The following RBFOX1 variants were observed in gnomAD, a reference collection of about 807,000 sequenced individuals.
RBFOX1 encodes the protein RNA binding fox-1 homolog 1.
RBFOX1 carries 8 observed loss-of-function variants against 57.7 expected under a neutral mutation model. The ratio of observed to expected loss-of-function variants is 0.14; its 90% CI spans 0.08 to 0.25. The LOEUF is 0.25. RBFOX1 is among the 10% of genes least tolerant of loss of function. The pLI, the probability that RBFOX1 is intolerant of heterozygous loss-of-function variation, is 1.00. For synonymous variants in RBFOX1, 326 were observed against 222.4 expected (o/e 1.47, Z -4.15); for missense variants, 611 against 548.5 (o/e 1.11, Z -1.14).
At chr16:5,941,508 A>G (rs2059277327) in intron 4 of RBFOX1, among the ~76,000 whole-genome samples, 1 of 152,072 alleles carries the variant, frequency 6.6e-6, no homozygotes, top group Admixed American at 6.6e-5. Flanking sequence ...AAAAAAAGGT[A>G]AAAGAGGCTT....
chr16:6,631,200 G>A (rs2098380836), intron 2 of RBFOX1, among the ~76,000 whole-genome samples: 1 of 152,074 alleles, frequency 6.6e-6, no homozygotes, highest in Admixed American at 6.6e-5. Context: ...GTGAATCTGA[G>A]AAAGAACTGG....
intron 1 of RBFOX1, among the ~76,000 whole-genome samples, chr16:5,414,058 G>T (rs72777544): frequency 6.6e-6 from 1 of 152,126 alleles, no homozygotes; most frequent in Admixed American, 6.5e-5. Context: ...CCCCAGAATG[G>T]TGGCCTCTTC....
At chr16:5,808,545 C>A (rs936442391) in intron 3 of RBFOX1, among the ~76,000 whole-genome samples, 1 of 152,154 alleles carries the variant, frequency 6.6e-6, no homozygotes, top group African/African-American at 2.4e-5. Context: ...TTCTTCCTAC[C>A]CATGATCATG....
chr16:7,698,029 GGAA>G (rs1411446131), intron 14 of RBFOX1, among the ~76,000 whole-genome samples: 4 of 152,146 alleles, frequency 2.6e-5, no homozygotes, highest in African/African-American at 9.7e-5. Context: ...TGCGTATTAG[GGAA>G]GAGAGGGTTA....
intron 3 of RBFOX1, among the ~76,000 whole-genome samples, chr16:6,739,175 A>G (rs1603483401): frequency 1.3e-5 from 2 of 151,224 alleles, no homozygotes; most frequent in Admixed American, 1.3e-4. Flanking sequence ...ACAGAAAAAC[A>G]AGAGAGAAAT....
chr16:6,570,203 A>G (rs12325621), intron 2 of RBFOX1, among the ~76,000 whole-genome samples: 2,559 of 152,286 alleles, frequency 0.017, 73 homozygotes, highest in African/African-American at 0.057. Flanking sequence ...TTCATTGACC[A>G]TGGATTTATA....
rs185651396 is a variant in RBFOX1 at position 6,530,038 on chromosome 16, A to G, written c.-63-124565A>G. On this transcript the variant is annotated intron_variant, in intron 2 of 15. Transcript: ENST00000550418. ...ATGTCTCTGTCATTTTCTCTTTCAAAGTAGCTATTTTACAATGTGTTTAAA... is the reference window on the plus strand; with the variant it reads ...ATGTCTCTGTCATTTTCTCTTTCAAGGTAGCTATTTTACAATGTGTTTAAA... 4.6e-5 allele frequency among the ~76,000 whole-genome samples: 7 copies of G among 152,224 alleles called. No individual in the cohort carries two copies. The East Asian group carries it at 1.2e-3, about 25-fold the overall frequency.
chr16:5,669,145 G>GAAA (rs2049939868), intron 3 of RBFOX1, among the ~76,000 whole-genome samples: 1 of 152,082 alleles, frequency 6.6e-6, no homozygotes, highest in Non-Finnish European at 1.5e-5. Flanking sequence ...AATTCCAGAG[G>GAAA]GTTGGCCTTT....
intron 1 of RBFOX1, among the ~76,000 whole-genome samples, chr16:6,124,400 T>C (rs1245719912): frequency 6.6e-6 from 1 of 152,174 alleles, no homozygotes; most frequent in Admixed American, 6.5e-5. Context: ...GATTTGATTA[T>C]TGTAATGTAA....
intron 4 of RBFOX1, among the ~76,000 whole-genome samples, chr16:7,498,124 A>C (rs2069310630): frequency 6.6e-6 from 1 of 152,162 alleles, no homozygotes; most frequent in East Asian, 1.9e-4. Flanking sequence ...TTGATGCTGT[A>C]ATTGTGCAGA....
intron 4 of RBFOX1, among the ~76,000 whole-genome samples, chr16:7,305,978 A>T (rs992286771): frequency 2.0e-5 from 3 of 152,202 alleles, no homozygotes; most frequent in Admixed American, 2.0e-4. Context: ...CCACCGGAAG[A>T]AAATTCTAAT....
intron 4 of RBFOX1, among the ~76,000 whole-genome samples, chr16:5,957,956 C>A (rs886540734): frequency 1.3e-5 from 2 of 152,124 alleles, no homozygotes; most frequent in African/African-American, 4.8e-5. Context: ...CACCTTCCCC[C>A]CACCATCCTC....
At chr16:6,120,709 C>T (rs2096542661) in intron 1 of RBFOX1, among the ~76,000 whole-genome samples, 1 of 152,002 alleles carries the variant, frequency 6.6e-6, no homozygotes, top group Non-Finnish European at 1.5e-5. Context: ...CTTTTATGTT[C>T]TTGCTTGTGG....
intron 3 of RBFOX1, among the ~76,000 whole-genome samples, chr16:6,669,453 A>T (rs952388940): frequency 6.6e-6 from 1 of 152,148 alleles, no homozygotes; most frequent in Non-Finnish European, 1.5e-5. Context: ...TTGCAGATCA[A>T]CCAGAGGTTT....
At chr16:6,945,301 C>T (rs541614028) in intron 3 of RBFOX1, among the ~76,000 whole-genome samples, 1 of 152,186 alleles carries the variant, frequency 6.6e-6, no homozygotes, top group East Asian at 1.9e-4. Context: ...AATGTGTACA[C>T]TAGGGGTCTC....
chr16:7,126,818 C>T (rs1021355317), intron 4 of RBFOX1, among the ~76,000 whole-genome samples: 3 of 151,838 alleles, frequency 2.0e-5, no homozygotes, highest in Admixed American at 6.6e-5. Flanking sequence ...TTTAGCCTGG[C>T]CAATACGGTG....
chr16:5,506,179 G>T (rs971322585), intron 2 of RBFOX1, among the ~76,000 whole-genome samples: 1 of 152,104 alleles, frequency 6.6e-6, no homozygotes, highest in African/African-American at 2.4e-5. Context: ...ACAGTGTTCC[G>T]GGAACTTTCT....
intron 3 of RBFOX1, among the ~76,000 whole-genome samples, chr16:5,763,558 G>A (rs1039127685): frequency 2.0e-5 from 3 of 152,220 alleles, no homozygotes; most frequent in East Asian, 1.9e-4. Context: ...AAATTGCTGC[G>A]ATAGAACATA....
In RBFOX1 at chr16:6,060,122, G is replaced by GTTTTTT. The variant is rs199690584; in HGVS notation, c.-127+40161_-127+40166dup. Among the ~76,000 whole-genome samples the GTTTTTT allele has an allele frequency of 2.0e-3, 224 of 114,180 alleles. 27 individuals carry two copies. The highest frequency in any genetic ancestry group is 2.9e-3 in the Non-Finnish European group (170 of 58,104). The allele number at this position is 114,180 out of a possible 152,430, so 74.9% of individuals were successfully genotyped here. A position where few individuals can be genotyped will look rare whatever the true frequency, so the allele number is the denominator to read the frequency against. ...ATTTGGCCCTAAAATTAGGATTAGG[G>GTTTTTT]TTTTTTTTTTTTTTTTTTTTTTTTT... On this transcript the variant is annotated intron_variant, in intron 1 of 15. Coordinates refer to ENST00000550418, the MANE Select transcript of RBFOX1 (RefSeq NM_018723.4).
Sources: gnomAD v4.1 joint callset for allele counts (sites outside exome capture counted in the v4.1 genomes callset) on GRCh38, gnomAD v4.1.1 for gene constraint, MANE v1.5 for transcripts, NCBI Gene and HGNC (gene_info 2026-07-23, HGNC 2026-07-21) for gene names.